Variants in HEPHL1 observed in about 807,000 individuals in gnomAD.
HEPHL1 encodes hephaestin like 1, also known as ferroxidase HEPHL1.
Under a neutral mutation model 122.0 loss-of-function variants are expected in HEPHL1, and 123 were observed. That is an observed-to-expected ratio of 1.01 (90% CI 0.87 to 1.17). HEPHL1 has a LOEUF of 1.17. HEPHL1 is among the 50% of genes most tolerant of loss of function. HEPHL1 has a pLI of 0.00. For missense variants in HEPHL1, 1,452 were observed against 1,430.5 expected (o/e 1.01, Z -0.24); for synonymous variants, 527 against 508.9 (o/e 1.04, Z -0.48).
At chr11:94,082,609 C>T (rs1946181116) in intron 10 of HEPHL1, 41 bp downstream of exon 10, 1 of 1,570,826 alleles carries the variant, frequency 6.4e-7, no homozygotes, top group Admixed American at 1.8e-5. Flanking sequence ...GAAAGGCTGA[C>T]TTGCATTAGA....
At position 94,035,885 on chromosome 11, in the gene HEPHL1, C is replaced by T. The variant is rs370068533; in HGVS notation, c.171-9788C>T. On this transcript the variant is annotated intron_variant, in intron 1 of 19. Transcript: ENST00000315765. ...CTGAGTAGCTGGGACTACAGGCGCC[C>T]GTTACCACGCCCGGCTAATTTTTTG... Among the ~76,000 whole-genome samples, 9 of 152,228 alleles carry T rather than the reference C, an allele frequency of 5.9e-5. No individual in the cohort carries two copies. The East Asian group carries it at 1.6e-3, about 26-fold the overall frequency.
intron 9 of HEPHL1, among the ~76,000 whole-genome samples, chr11:94,080,521 T>C (rs1591480757): frequency 6.6e-6 from 1 of 152,032 alleles, no homozygotes; most frequent in Non-Finnish European, 1.5e-5. Context: ...ACCTGGAGAG[T>C]TGGAGGACAT....
intron 10 of HEPHL1, 114 bp from the exon 11 acceptor site, chr11:94,085,863 C>T: frequency 1.4e-6 from 1 of 731,234 alleles, no homozygotes; most frequent in Non-Finnish European, 2.3e-6. Context: ...TGGCTTTTCC[C>T]TGGTACTGTT....
chr11:94,088,247 C>G (rs1421028938), intron 11 of HEPHL1, among the ~76,000 whole-genome samples: 3 of 152,168 alleles, frequency 2.0e-5, no homozygotes, highest in African/African-American at 7.2e-5. Flanking sequence ...TGCTCAAGGG[C>G]TTAATGAAGT....
At chr11:94,096,504 C>A (rs1400130573) in intron 13 of HEPHL1, among the ~76,000 whole-genome samples, 2 of 152,046 alleles carry the variant, frequency 1.3e-5, no homozygotes, top group African/African-American at 4.8e-5. Flanking sequence ...GTCTGCCAGG[C>A]TTTGGTATCA....
chr11:94,088,127 GAC>G (rs1260138623), intron 11 of HEPHL1, among the ~76,000 whole-genome samples: 3 of 152,080 alleles, frequency 2.0e-5, no homozygotes, highest in Non-Finnish European at 4.4e-5. Flanking sequence ...ATTTTTGACA[GAC>G]AGGATTGTCA....
chr11:94,041,400 G>C (rs1441669609), intron 1 of HEPHL1, among the ~76,000 whole-genome samples: 18 of 140,764 alleles, frequency 1.3e-4, no homozygotes, highest in Non-Finnish European at 1.7e-4. Context: ...AACCAAAAAA[G>C]AGCCCGCATC....
In HEPHL1 at chr11:94,093,596, A is replaced by G; in HGVS notation, c.2390A>G (p.Glu797Gly). The G allele has an allele frequency of 6.2e-7, 1 of 1,613,664 alleles. No homozygotes were observed. The highest frequency in any genetic ancestry group is 8.5e-7 in the Non-Finnish European group (1 of 1,179,792). The change falls in exon 13 of 20, where the codon GAG becomes GGG. Residue 797 changes from glutamate (E) to glycine (G), a missense_variant. Glu to Gly is a moderately conservative substitution (Grantham distance 98). Transcript: ENST00000315765. Reference sequence around the variant, plus strand: ...GAATATACGGATGGAGAATTTGTGGAGATCAAAGCCCGACCACCACGAGAG... The same window carrying G: ...GAATATACGGATGGAGAATTTGTGGGGATCAAAGCCCGACCACCACGAGAG... ...YREYTDGEFV[E>G]IKARPPREEH... is the part of the protein sequence containing the mutation.
chr11:94,083,134 T>C (rs544785144), intron 10 of HEPHL1, among the ~76,000 whole-genome samples: 2 of 151,262 alleles, frequency 1.3e-5, no homozygotes, highest in South Asian at 4.2e-4. Flanking sequence ...ATATCATAAA[T>C]GTAGAAAATT....
chr11:94,024,869 T>G (rs776435576), intron 1 of HEPHL1, among the ~76,000 whole-genome samples: 13 of 152,284 alleles, frequency 8.5e-5, no homozygotes, highest in African/African-American at 3.1e-4. Flanking sequence ...TCATTGACAA[T>G]ATCCTATGGA....
At chr11:94,067,895 A>G (rs921517004) in intron 5 of HEPHL1, 145 bp downstream of exon 5, 134 of 687,604 alleles carry the variant, frequency 1.9e-4, no homozygotes, top group Non-Finnish European at 4.3e-5. Flanking sequence ...GGAAAATATA[A>G]CGCTCATCTC....
At chr11:94,071,334 T>TATTC (rs5793668) in intron 6 of HEPHL1, among the ~76,000 whole-genome samples, 21 of 151,532 alleles carry the variant, frequency 1.4e-4, no homozygotes, top group African/African-American at 4.8e-4. Flanking sequence ...TTGTACATTT[T>TATTC]ATTCATTCAT....
chr11:94,051,838 G>A (rs574099826), intron 2 of HEPHL1, among the ~76,000 whole-genome samples: 1 of 152,230 alleles, frequency 6.6e-6, no homozygotes, highest in Non-Finnish European at 1.5e-5. Context: ...TAGGAGTCTA[G>A]TTTTATTCTT....
intron 1 of HEPHL1, among the ~76,000 whole-genome samples, chr11:94,039,676 G>A (rs1397424903): frequency 6.6e-6 from 1 of 151,210 alleles, no homozygotes; most frequent in Non-Finnish European, 1.5e-5. Flanking sequence ...AAACCAACGA[G>A]AACAAAGACA....
intron 9 of HEPHL1, among the ~76,000 whole-genome samples, chr11:94,078,944 C>T (rs1354993972): frequency 6.6e-6 from 1 of 152,162 alleles, no homozygotes; most frequent in Non-Finnish European, 1.5e-5. Context: ...TTCACCATCA[C>T]TCAGGGTTCT....
In HEPHL1 at chr11:94,054,235, G is replaced by A. The variant is rs575582510; in HGVS notation, c.415+8318G>A. The stretch of plus-strand genomic sequence containing the variant: ...GGATGTACACATCTTTGGCAGGCAT[G>A]TTTAGCCCCAGAAGGATTCAATACT... On this transcript the variant is annotated intron_variant, in intron 2 of 19. Transcript: ENST00000315765. Among the ~76,000 whole-genome samples, 9 of 152,306 alleles carry A rather than the reference G, an allele frequency of 5.9e-5. No homozygotes were observed. In the South Asian group the frequency reaches 1.0e-3, roughly 18 times the overall value.
Position 94,086,172 on chromosome 11 carries a change from T to C in HEPHL1, c.2063T>C (p.Met688Thr). The C allele has an allele frequency of 6.2e-7, 1 of 1,611,140 alleles. No homozygotes were observed. The highest frequency in any genetic ancestry group is 8.5e-7 in the Non-Finnish European group (1 of 1,178,952). ...LFPHMATTAFMQPDHAGIFRV... is the reference protein window; with the variant it reads ...LFPHMATTAFTQPDHAGIFRV... ...CCCCACATGGCCACAACAGCATTCA[T>C]GCAGCCAGACCATGCAGGTAAACTT... The change falls in exon 11 of 20, where the codon ATG (methionine) becomes ACG (threonine). Residue 688 changes from methionine (M) to threonine (T), a missense_variant. By Grantham distance (81) the Met-to-Thr change is moderately conservative. Transcript: ENST00000315765.
In HEPHL1 at chr11:94,111,059, A is replaced by G; in HGVS notation, c.3202A>G (p.Asn1068Asp). 6.3e-7 allele frequency: 1 copy of G among 1,587,164 alleles called. No homozygotes were observed. The highest frequency in any genetic ancestry group is 8.6e-7 in the Non-Finnish European group (1 of 1,164,962). Residue 1068 changes from asparagine to aspartate, a missense_variant, in exon 18 of 20, where the codon AAC (asparagine) becomes GAC (aspartate). Coordinates refer to ENST00000315765, the MANE Select transcript of HEPHL1 (RefSeq NM_001098672.2). Reference protein sequence around the residue: ...GMETTYTVLRNIDNRIPYSTT... With the variant: ...GMETTYTVLRDIDNRIPYSTT... The stretch of plus-strand genomic sequence containing the variant: ...GGAGACAACCTACACGGTCCTTCGT[A>G]ACATAGGTACGGTTGTCTGTCAGTG...
chr11:94,104,987 G>A (rs896141399), intron 16 of HEPHL1, among the ~76,000 whole-genome samples: 3 of 152,046 alleles, frequency 2.0e-5, no homozygotes, highest in Non-Finnish European at 4.4e-5. Context: ...CTGAATCCTG[G>A]GATCTCTAAG....
Sources: gnomAD v4.1 joint callset for allele counts (sites outside exome capture counted in the v4.1 genomes callset) on GRCh38, gnomAD v4.1.1 for gene constraint, MANE v1.5 for transcripts, NCBI Gene and HGNC (gene_info 2026-07-23, HGNC 2026-07-21) for gene names.